DCAF6: variants seen among roughly 807,000 people sequenced by gnomAD.
DCAF6 encodes DDB1 and CUL4 associated factor 6.
DCAF6 carries 54 observed loss-of-function variants against 125.1 expected under a neutral mutation model. That is an observed-to-expected ratio of 0.43 (90% CI 0.35 to 0.54). The LOEUF (loss-of-function observed/expected upper bound fraction) is 0.54, where lower values mean the gene tolerates loss of function less well. DCAF6 is among the 20% of genes least tolerant of loss of function. The probability of loss-of-function intolerance (pLI) is 0.01; values close to 1 mark genes in which losing one functional copy is unlikely to be tolerated. For synonymous variants in DCAF6, 371 were observed against 390.4 expected (o/e 0.95, Z 0.58); for missense variants, 934 against 1,161.7 (o/e 0.80, Z 2.85).
the DCAF6 span, chr1:167,893,979 A>C: frequency 6.6e-7 from 1 of 1,506,916 alleles, no homozygotes; most frequent in Middle Eastern, 1.7e-4. Flanking sequence ...TCAGAGAGGG[A>C]AGTTTGGCTC....
chr1:167,997,050 T>A (rs748466645), intron 7 of DCAF6, among the ~76,000 whole-genome samples: 1 of 152,232 alleles, frequency 6.6e-6, no homozygotes, highest in Non-Finnish European at 1.5e-5. Flanking sequence ...GGATTTTTTG[T>A]GTGTTTTGTC....
At chr1:167,866,389 T>C in the DCAF6 span, among the ~76,000 whole-genome samples, 3 of 152,108 alleles carry the variant, frequency 2.0e-5, no homozygotes, top group South Asian at 2.1e-4. Context: ...TTTTAGTGAG[T>C]GATGTTAATA....
At chr1:167,894,581 G>C in the DCAF6 span, among the ~76,000 whole-genome samples, 3 of 152,042 alleles carry the variant, frequency 2.0e-5, no homozygotes, top group Admixed American at 6.6e-5. Context: ...AATGGCAAAG[G>C]GTTTTCAGCA....
chr1:168,054,195 G>A (rs2101878647), intron 17 of DCAF6, among the ~76,000 whole-genome samples: 1 of 152,260 alleles, frequency 6.6e-6, no homozygotes, highest in Non-Finnish European at 1.5e-5. Flanking sequence ...GAAATCTTCT[G>A]GGTAATTAAT....
At chr1:167,894,932 C>T in the DCAF6 span, among the ~76,000 whole-genome samples, 1 of 152,090 alleles carries the variant, frequency 6.6e-6, no homozygotes, top group South Asian at 2.1e-4. Flanking sequence ...CACCTGTAAT[C>T]CCAGCACTTT....
chr1:168,016,858 T>A (rs983559348), intron 11 of DCAF6, among the ~76,000 whole-genome samples: 3 of 152,244 alleles, frequency 2.0e-5, no homozygotes, highest in South Asian at 2.1e-4. Context: ...TGCTTTCTTC[T>A]GCTACCCTAA....
At chr1:168,013,640 C>T (rs1390706310) in intron 10 of DCAF6, among the ~76,000 whole-genome samples, 1 of 152,046 alleles carries the variant, frequency 6.6e-6, no homozygotes, top group Admixed American at 6.6e-5. Flanking sequence ...TGTGGTTTTC[C>T]GCTTTTTTTT....
At chr1:168,009,448 TTC>T (rs1683942224) in intron 10 of DCAF6, among the ~76,000 whole-genome samples, 5 of 87,438 alleles carry the variant, frequency 5.7e-5, no homozygotes, top group African/African-American at 1.6e-4. Flanking sequence ...CTTTCTTTCT[TTC>T]TGTCTCTCTC....
At chr1:168,040,663 G>A (rs1405974926) in intron 13 of DCAF6, among the ~76,000 whole-genome samples, 1 of 149,010 alleles carries the variant, frequency 6.7e-6, no homozygotes, top group Admixed American at 6.7e-5. Context: ...CCATTCTCAT[G>A]TTTCTGTACA....
the DCAF6 span, chr1:167,903,795 A>AGCAATTGTACTCTATCAGGTT: frequency 1.1e-6 from 1 of 910,468 alleles, no homozygotes; most frequent in Non-Finnish European, 1.8e-6. Flanking sequence ...AGGAGTGCTA[A>AGCAATTGTACTCTATCAGGTT]GCAATTGTAC....
At chr1:167,943,846 AT>A (rs201612004) in intron 1 of DCAF6, among the ~76,000 whole-genome samples, 86 of 148,946 alleles carry the variant, frequency 5.8e-4, no homozygotes, top group Non-Finnish European at 1.0e-3. Flanking sequence ...GATTTCATTC[AT>A]TTTTTTTTTG....
At chr1:167,995,699 T>C (rs1681565205) in intron 7 of DCAF6, among the ~76,000 whole-genome samples, 1 of 151,272 alleles carries the variant, frequency 6.6e-6, no homozygotes. Context: ...AAAAAAAAGC[T>C]TATTATAACA....
chr1:167,909,659 G>T, the DCAF6 span, among the ~76,000 whole-genome samples: 2 of 152,148 alleles, frequency 1.3e-5, no homozygotes, highest in Non-Finnish European at 2.9e-5. Context: ...GAAGCCGAAA[G>T]ATTGGATACC....
rs759778424 is a variant in DCAF6, at chr1:167,966,702, G to C, written c.233G>C (p.Ser78Thr). Reference sequence around the variant, plus strand: ...TCAGATGACACCAAATTAGTAATTAGTAATCCTTACAGCAGAAAGGTAAAG... The same window carrying C: ...TCAGATGACACCAAATTAGTAATTACTAATCCTTACAGCAGAAAGGTAAAG... Reference protein sequence around the residue: ...SGSDDTKLVISNPYSRKVLTT... With the variant: ...SGSDDTKLVITNPYSRKVLTT... Residue 78 changes from serine to threonine, a missense_variant, in exon 3 of 22, where the codon AGT becomes ACT. By Grantham distance (58) the Ser-to-Thr change is moderately conservative (BLOSUM62 1). Coordinates refer to ENST00000367840, the MANE Select transcript of DCAF6 (RefSeq NM_001198956.2). 1.3e-6 allele frequency: 2 copies of C among 1,591,866 alleles called. No homozygotes were observed. The highest frequency in any genetic ancestry group is 1.7e-5 in the Admixed American group (1 of 59,444).
At chr1:167,895,009 C>G in the DCAF6 span, among the ~76,000 whole-genome samples, 2 of 152,064 alleles carry the variant, frequency 1.3e-5, no homozygotes, top group African/African-American at 4.8e-5. Context: ...ATGGGAAACC[C>G]TGTCTCTACT....
the DCAF6 span, among the ~76,000 whole-genome samples, chr1:167,927,776 C>T: frequency 1.1e-4 from 16 of 151,924 alleles, no homozygotes; most frequent in Admixed American, 8.5e-4. Flanking sequence ...AACAGCCCTT[C>T]CCCACCAAAC....
intron 7 of DCAF6, among the ~76,000 whole-genome samples, chr1:167,999,643 TTCC>T (rs1375783638): frequency 6.6e-6 from 1 of 152,180 alleles, no homozygotes; most frequent in African/African-American, 2.4e-5. Context: ...GACAGCTTCT[TTCC>T]TTAAACTGCA....
the DCAF6 span, among the ~76,000 whole-genome samples, chr1:167,865,527 AAC>A: frequency 2.0e-5 from 3 of 152,378 alleles, no homozygotes; most frequent in South Asian, 2.1e-4. Flanking sequence ...TAACATTAAT[AAC>A]ACACTAATAT....
At chr1:167,899,391 G>T in the DCAF6 span, 2 of 1,609,862 alleles carry the variant, frequency 1.2e-6, no homozygotes, top group South Asian at 2.2e-5. Context: ...CAGGCTGGCA[G>T]AACTTTCTGT....
Sources: allele counts gnomAD v4.1 joint callset (sites outside exome capture counted in the v4.1 genomes callset), GRCh38; gene constraint gnomAD v4.1.1; transcripts MANE v1.5; gene names NCBI Gene and HGNC (gene_info 2026-07-23, HGNC 2026-07-21).